The following DYM variants were observed in gnomAD, a reference collection of about 807,000 sequenced individuals.
The protein encoded by DYM is dymeclin.
Under a neutral mutation model 93.1 loss-of-function variants are expected in DYM, and 78 were observed. The ratio of observed to expected loss-of-function variants is 0.84; its 90% CI spans 0.70 to 1.01. DYM has a LOEUF of 1.01. Ranked by LOEUF, DYM falls within the 50% of genes least tolerant of loss-of-function variation. The pLI, the probability that DYM is intolerant of heterozygous loss-of-function variation, is 0.00. For synonymous variants in DYM, 321 were observed against 319.7 expected, an observed-to-expected ratio of 1.00 and a Z score of -0.04; for missense variants, 789 against 845.0, an observed-to-expected ratio of 0.93 and a Z score of 0.82.
At chr18:49,064,602 C>T (rs1384518173) in intron 17 of DYM, among the ~76,000 whole-genome samples, 2 of 152,090 alleles carry the variant, frequency 1.3e-5, no homozygotes, top group African/African-American at 2.4e-5. Context: ...AAAAATAACA[C>T]AAAACTAGCT....
chr18:49,340,347 A>C (rs75416945), intron 6 of DYM, among the ~76,000 whole-genome samples: 4 of 152,344 alleles, frequency 2.6e-5, no homozygotes, highest in East Asian at 3.9e-4. Flanking sequence ...GTAAAAAAAA[A>C]CAGAATGAGT....
intron 1 of DYM, among the ~76,000 whole-genome samples, chr18:49,452,651 G>GCACCAATCA (rs1364878581): frequency 1.8e-4 from 14 of 77,608 alleles, no homozygotes; most frequent in East Asian, 7.4e-4. Flanking sequence ...CACTGCCGTG[G>GCACCAATCA]GCTCCTGCGT....
intron 14 of DYM, among the ~76,000 whole-genome samples, chr18:49,178,651 T>G (rs914438399): frequency 6.6e-6 from 1 of 152,172 alleles, no homozygotes; most frequent in African/African-American, 2.4e-5. Flanking sequence ...GATAAAATTA[T>G]AATTCTTTCT....
intron 8 of DYM, among the ~76,000 whole-genome samples, chr18:49,330,592 T>C (rs561953330): frequency 4.6e-5 from 7 of 152,320 alleles, no homozygotes; most frequent in African/African-American, 1.7e-4. Flanking sequence ...AGTATTGCCA[T>C]TGTTTTGAAG....
intron 17 of DYM, among the ~76,000 whole-genome samples, chr18:49,088,965 A>AG (rs1044202057): frequency 1.3e-5 from 2 of 151,954 alleles, no homozygotes; most frequent in African/African-American, 2.4e-5. Flanking sequence ...CTAATATTTT[A>AG]GGGGGGCGTT....
At chr18:49,432,094 C>T (rs981908675) in intron 1 of DYM, among the ~76,000 whole-genome samples, 3 of 152,016 alleles carry the variant, frequency 2.0e-5, no homozygotes, top group Admixed American at 1.3e-4. Context: ...TCCTGAAGGC[C>T]GGGCGCTGTG....
chr18:49,238,530 G>A (rs1177999729), intron 13 of DYM, among the ~76,000 whole-genome samples: 5 of 151,980 alleles, frequency 3.3e-5, no homozygotes, highest in Non-Finnish European at 1.5e-5. Flanking sequence ...ATTAACTGTT[G>A]TATTAGTTCC....
At chr18:49,056,209 G>C (rs1485837542) in intron 17 of DYM, among the ~76,000 whole-genome samples, 1 of 152,212 alleles carries the variant, frequency 6.6e-6, no homozygotes, top group Non-Finnish European at 1.5e-5. Flanking sequence ...AATGGGCTCA[G>C]GCCCTGCTTT....
At chr18:49,277,380 AAG>A (rs1211257485) in intron 10 of DYM, among the ~76,000 whole-genome samples, 1 of 152,292 alleles carries the variant, frequency 6.6e-6, no homozygotes, top group Non-Finnish European at 1.5e-5. Context: ...TAACACATAA[AAG>A]AGAGAGAAAA....
intron 2 of DYM, among the ~76,000 whole-genome samples, chr18:49,422,277 G>A (rs2073807374): frequency 6.6e-6 from 1 of 152,176 alleles, no homozygotes. Context: ...TACCCACAAA[G>A]GGAAGCCCAT....
chr18:49,228,569 T>G (rs1410067093), intron 13 of DYM, among the ~76,000 whole-genome samples: 1 of 152,166 alleles, frequency 6.6e-6, no homozygotes, highest in African/African-American at 2.4e-5. Context: ...ACATGATTAA[T>G]CTCACAGTTG....
At chr18:49,168,702 G>GA (rs957858558) in intron 14 of DYM, among the ~76,000 whole-genome samples, 31 of 151,824 alleles carry the variant, frequency 2.0e-4, no homozygotes, top group African/African-American at 6.5e-4. Flanking sequence ...ACTGGGATGA[G>GA]AAAAAAAAAA....
chr18:49,349,847 C>T (rs952250723), intron 6 of DYM, among the ~76,000 whole-genome samples: 1 of 152,090 alleles, frequency 6.6e-6, no homozygotes, highest in African/African-American at 2.4e-5. Flanking sequence ...GTCCCAGCTA[C>T]TAGGGAAGTG....
At chr18:49,234,397 C>T (rs946759222) in intron 13 of DYM, among the ~76,000 whole-genome samples, 6 of 152,024 alleles carry the variant, frequency 3.9e-5, no homozygotes, top group South Asian at 2.1e-4. Context: ...GGGGAGATTG[C>T]GGTGAGCCAA....
chr18:49,260,010 A>G (rs575466), intron 11 of DYM, among the ~76,000 whole-genome samples: 24,523 of 152,238 alleles, frequency 0.16, 2,112 homozygotes, highest in African/African-American at 0.18. Flanking sequence ...TCTGATTAGT[A>G]TATCTAGTGA....
chr18:49,284,804 A>T (rs1465193129), intron 9 of DYM, among the ~76,000 whole-genome samples: 1 of 152,186 alleles, frequency 6.6e-6, no homozygotes, highest in Non-Finnish European at 1.5e-5. Flanking sequence ...TTCGTTTTTT[A>T]ATTTGTAAAA....
At chr18:49,050,779 G>A (rs2072335028) in intron 17 of DYM, among the ~76,000 whole-genome samples, 1 of 152,104 alleles carries the variant, frequency 6.6e-6, no homozygotes, top group African/African-American at 2.4e-5. Context: ...ACAACACTCA[G>A]TGCAATTGGT....
intron 16 of DYM, among the ~76,000 whole-genome samples, chr18:49,105,977 C>A (rs778141695): frequency 2.1e-4 from 32 of 152,124 alleles, no homozygotes; most frequent in Non-Finnish European, 3.8e-4. Flanking sequence ...AACTTTCTGT[C>A]TTGTTGATCT....
chr18:49,434,251 G>T (rs2080609783), intron 1 of DYM, among the ~76,000 whole-genome samples: 1 of 151,932 alleles, frequency 6.6e-6, no homozygotes, highest in Admixed American at 6.6e-5. Context: ...GGAGACTGAG[G>T]CAGGGGAATC....
Sources: gnomAD v4.1 joint callset for allele counts (sites outside exome capture counted in the v4.1 genomes callset) on GRCh38, gnomAD v4.1.1 for gene constraint, MANE v1.5 for transcripts, NCBI Gene and HGNC (gene_info 2026-07-23, HGNC 2026-07-21) for gene names.